The following ZER1 variants were observed in gnomAD, a reference collection of about 807,000 sequenced individuals.
ZER1 encodes the protein protein zer-1 homolog.
In ZER1, 11 loss-of-function variants were observed where a neutral mutation model predicts 78.8. That is an observed-to-expected ratio of 0.14 (90% CI 0.09 to 0.23). The LOEUF (loss-of-function observed/expected upper bound fraction) is 0.23, where lower values mean the gene tolerates loss of function less well. ZER1 is among the 10% of genes least tolerant of loss of function. The pLI is 1.00. For synonymous variants in ZER1, 400 were observed against 407.0 expected, an observed-to-expected ratio of 0.98 and a Z score of 0.21; for missense variants, 588 against 996.9, an observed-to-expected ratio of 0.59 and a Z score of 5.52.
chr9:128,757,164 T>G (rs1224223165), intron 1 of ZER1, among the ~76,000 whole-genome samples: 1 of 152,046 alleles, frequency 6.6e-6, no homozygotes, highest in Non-Finnish European at 1.5e-5. Flanking sequence ...TGATTTCACA[T>G]GAAGAGAAAA....
intron 1 of ZER1, among the ~76,000 whole-genome samples, chr9:128,760,737 G>A (rs1306163492): frequency 3.3e-5 from 5 of 151,478 alleles, no homozygotes; most frequent in Non-Finnish European, 1.5e-5. Flanking sequence ...AGGTTGCAGC[G>A]AGCCAAGATT....
In ZER1 at chr9:128,753,954, A is replaced by G; in HGVS notation, c.164T>C (p.Val55Ala). 6.3e-7 allele frequency: 1 copy of G among 1,585,280 alleles called. No individual in the cohort carries two copies. The highest frequency in any genetic ancestry group is 1.2e-5 in the South Asian group (1 of 86,864). ...EICDRLVNEY[V>A]ELVNAACNFE... is the part of the protein sequence containing the mutation. ...GTTACAGGCAGCGTTCACCAGCTCC[A>G]CATACCTGGGAGAGAAAAAAGCCTG... The change falls in exon 3 of 16, where the codon GTG becomes GCG. Residue 55 changes from valine to alanine, a missense_variant. This residue lies in a region of ZER1 where 406 missense variants were observed against 660.1 expected (regional missense o/e 0.62). Coordinates refer to ENST00000291900, the MANE Select transcript of ZER1 (RefSeq NM_006336.4). The surrounding 1 kb of genome is among the most constrained non-coding windows in gnomAD (Gnocchi z 7.5).
rs1287831430 is a variant in ZER1, at chr9:128,734,145, AT to A, written c.2141-618del. ...TCCGTCTCAAAAAAAAAAAAAAAAA[AT>A]ATATATATATATATATAAAATCTTA... On this transcript the variant is annotated intron_variant, in intron 14 of 15. Transcript: ENST00000291900. Among the ~76,000 whole-genome samples, 78 of 20,096 alleles carry A rather than the reference AT, an allele frequency of 3.9e-3. 10 individuals carry two copies. The highest frequency in any genetic ancestry group is 0.02 in the African/African-American group (47 of 2,322). The allele number at this position is 20,096 out of a possible 152,430, so 13.2% of individuals were successfully genotyped here.
chr9:128,752,903 C>A, intron 4 of ZER1, 54 bp from the exon 5 acceptor site: 1 of 1,563,542 alleles, frequency 6.4e-7, no homozygotes, highest in South Asian at 1.2e-5. Flanking sequence ...GGTGGGGCTG[C>A]CTTGCAGATC....
At chr9:128,767,873 C>G (rs1864264946) in intron 1 of ZER1, among the ~76,000 whole-genome samples, 1 of 152,200 alleles carries the variant, frequency 6.6e-6, no homozygotes, top group South Asian at 2.1e-4. Flanking sequence ...TTTCTGGGGT[C>G]TCCATTACAG....
intron 13 of ZER1, 56 bp downstream of exon 13, chr9:128,739,875 G>C: frequency 1.2e-5 from 18 of 1,563,876 alleles, no homozygotes; most frequent in Non-Finnish European, 1.5e-5. Flanking sequence ...TGAGCATCCT[G>C]CCCAGCACTT....
At chr9:128,749,123 TTC>T (rs1863594612) in intron 8 of ZER1, among the ~76,000 whole-genome samples, 1 of 147,172 alleles carries the variant, frequency 6.8e-6, no homozygotes, top group Non-Finnish European at 1.5e-5. Flanking sequence ...AGCTCAGGAG[TTC>T]GAGACCAGCC....
intron 15 of ZER1, 97 bp downstream of exon 15, chr9:128,733,328 TG>T: frequency 1.0e-6 from 1 of 1,003,172 alleles, no homozygotes; most frequent in Non-Finnish European, 1.5e-6. Flanking sequence ...AAGCTGTCCC[TG>T]GGAATTTCAG....
intron 13 of ZER1, among the ~76,000 whole-genome samples, chr9:128,739,096 C>T (rs925554421): frequency 6.6e-6 from 1 of 151,446 alleles, no homozygotes; most frequent in Non-Finnish European, 1.5e-5. Context: ...GTGATCTGCC[C>T]GCCTCAGCCT....
At chr9:128,752,177 G>A (rs1348033946) in intron 5 of ZER1, among the ~76,000 whole-genome samples, 6 of 152,150 alleles carry the variant, frequency 3.9e-5, no homozygotes, top group East Asian at 3.9e-4. Flanking sequence ...AGGCCACACC[G>A]GGGCCCTGGA....
chr9:128,735,607 T>TTA, intron 13 of ZER1, among the ~76,000 whole-genome samples, 176 bp from the exon 14 acceptor site: 1 of 151,922 alleles, frequency 6.6e-6, no homozygotes, highest in South Asian at 2.1e-4. Context: ...ACAACAAGGT[T>TTA]CCCTTGGAGA....
At chr9:128,765,982 T>C (rs2132488779) in intron 1 of ZER1, among the ~76,000 whole-genome samples, 1 of 152,354 alleles carries the variant, frequency 6.6e-6, no homozygotes. Flanking sequence ...ATTCGGCTAG[T>C]AATCAGACTG....
At chr9:128,734,144 A>AAAAAATATATATATATATATATAC in intron 14 of ZER1, among the ~76,000 whole-genome samples, 1 of 14,446 alleles carries the variant, frequency 6.9e-5, no homozygotes, top group East Asian at 3.9e-3. Context: ...AAAAAAAAAA[A>AAAAAATATATATATATATATATAC]ATATATATAT....
chr9:128,767,134 G>C (rs148038484), intron 1 of ZER1, among the ~76,000 whole-genome samples: 11 of 123,234 alleles, frequency 8.9e-5, no homozygotes. Flanking sequence ...GTAGAGACAG[G>C]GTTTTGCCAT....
At position 128,754,058 on chromosome 9, in the gene ZER1, C is replaced by A; in HGVS notation, c.159-99G>T. The A allele has an allele frequency of 7.0e-7, 1 of 1,429,696 alleles. No homozygotes were observed. Among genetic ancestry groups the A allele is most frequent in the Non-Finnish European group, 9.4e-7 (1 of 1,060,744 alleles). 88.6% of individuals were successfully genotyped at this position (1,429,696 alleles called of 1,614,324 possible). ...TCCCCCTGAAGCTTTCTTGGATCAC[C>A]CCAAGTAGCAACCTCCTTCTCCTAA... On this transcript the variant is annotated intron_variant, in intron 2 of 15. Coordinates refer to ENST00000291900, the MANE Select transcript of ZER1 (RefSeq NM_006336.4). This position sits in a 1 kb window ranked among gnomAD's most constrained non-coding sequence, Gnocchi z 4.3.
At chr9:128,757,706 C>T (rs186443688) in intron 1 of ZER1, among the ~76,000 whole-genome samples, 3 of 152,258 alleles carry the variant, frequency 2.0e-5, no homozygotes, top group Non-Finnish European at 4.4e-5. Context: ...GCAACAACAA[C>T]ATGGGCAATA....
intron 1 of ZER1, among the ~76,000 whole-genome samples, 161 bp downstream of exon 1, chr9:128,771,420 C>G (rs2132506052): frequency 6.6e-6 from 1 of 152,318 alleles, no homozygotes. Flanking sequence ...TTTAAAGACA[C>G]GATTCTCAGA....
intron 1 of ZER1, among the ~76,000 whole-genome samples, chr9:128,766,611 C>T (rs1864216755): frequency 6.6e-6 from 1 of 151,852 alleles, no homozygotes; most frequent in Non-Finnish European, 1.5e-5. Flanking sequence ...TTTGGGAGGC[C>T]AAGGCAGGTG....
chr9:128,741,457 G>A, intron 11 of ZER1, 78 bp downstream of exon 11: 1 of 1,603,782 alleles, frequency 6.2e-7, no homozygotes, highest in Non-Finnish European at 8.5e-7. Context: ...TGCGGATTTG[G>A]TTGGTGGGGA....
Sources: gnomAD v4.1 joint callset for allele counts (sites outside exome capture counted in the v4.1 genomes callset) on GRCh38, gnomAD v4.1.1 for gene constraint, gnomAD v4.1.1 regional missense constraint, Gnocchi (gnomAD v3.1) non-coding constraint, MANE v1.5 for transcripts, NCBI Gene and HGNC (gene_info 2026-07-23, HGNC 2026-07-21) for gene names.